The following EFHC2 variants were observed in gnomAD, a reference collection of about 807,000 sequenced individuals.
EFHC2 encodes EF-hand domain-containing family member C2.
In EFHC2, 18 loss-of-function variants were observed where a neutral mutation model predicts 52.7. The observed-to-expected ratio is 0.34, with a 90% CI of 0.24 to 0.51. The LOEUF is 0.51. EFHC2 is among the 20% of genes least tolerant of loss of function. The pLI is 0.97. For missense variants in EFHC2, 513 were observed against 562.5 expected (o/e 0.91, Z 0.89); for synonymous variants, 203 against 204.1 (o/e 0.99, Z 0.04).
chrX:44,319,451 C>A (rs763497768), intron 1 of EFHC2, among the ~76,000 whole-genome samples: 16 of 111,532 alleles, frequency 1.4e-4, no homozygotes, highest in Non-Finnish European at 2.8e-4. Context: ...TCCAGGGATG[C>A]CACCCTAGTT....
At chrX:44,217,494 A>G (rs978353623) in intron 11 of EFHC2, among the ~76,000 whole-genome samples, 1 of 111,957 alleles carries the variant, frequency 8.9e-6, no homozygotes, top group Admixed American at 9.5e-5. Flanking sequence ...ATAGGTAAGT[A>G]AATAAGGAAA....
intron 8 of EFHC2, among the ~76,000 whole-genome samples, chrX:44,238,672 G>T (rs1044392080): frequency 9.0e-6 from 1 of 110,934 alleles, no homozygotes; most frequent in East Asian, 2.8e-4. Context: ...CCTTTACACC[G>T]ACTGTTCCTT....
At chrX:44,264,344 C>T (rs912444344) in intron 3 of EFHC2, among the ~76,000 whole-genome samples, 1 of 111,697 alleles carries the variant, frequency 9.0e-6, no homozygotes, top group African/African-American at 3.3e-5. Flanking sequence ...GAAAGAACAG[C>T]CTCTCTCCTC....
In EFHC2 at chrX:44,325,533, A is replaced by G. The variant is rs767369145; in HGVS notation, c.43-12777T>C. 1.4e-3 allele frequency among the ~76,000 whole-genome samples: 151 copies of G among 110,316 alleles called. 1 individual carries two copies. The highest frequency in any genetic ancestry group is 4.7e-3 in the African/African-American group (142 of 30,342). ...CCCCTTCCTCGTTGCTAAAAATTGG[A>G]AGGGCAATTTTATCACATGCATAAG... On this transcript the variant is annotated intron_variant, in intron 1 of 14. Transcript: ENST00000420999.
intron 2 of EFHC2, among the ~76,000 whole-genome samples, chrX:44,311,738 T>C (rs2037949237): frequency 8.9e-6 from 1 of 112,468 alleles, no homozygotes; most frequent in Non-Finnish European, 1.9e-5. Flanking sequence ...TCACTTCCTT[T>C]CACTATTCTT....
intron 1 of EFHC2, among the ~76,000 whole-genome samples, chrX:44,338,534 C>T (rs1211514435): frequency 9.1e-6 from 1 of 109,406 alleles, no homozygotes; most frequent in Non-Finnish European, 1.9e-5. Flanking sequence ...ATGGAGATGG[C>T]TCGAATGAGT....
chrX:44,323,785 C>G (rs2038036560), intron 1 of EFHC2, among the ~76,000 whole-genome samples: 1 of 111,238 alleles, frequency 9.0e-6, no homozygotes, highest in African/African-American at 3.3e-5. Flanking sequence ...AGAGAAGGGG[C>G]TGGAAAAAAC....
intron 4 of EFHC2, among the ~76,000 whole-genome samples, chrX:44,253,573 A>AT (rs765857386): frequency 9.0e-6 from 1 of 111,653 alleles, no homozygotes; most frequent in Non-Finnish European, 1.9e-5. Flanking sequence ...ACCTCTCTAG[A>AT]TTCCTCCTCT....
intron 11 of EFHC2, 63 bp from the exon 12 acceptor site, chrX:44,178,627 C>A: frequency 2.1e-6 from 2 of 936,868 alleles, no homozygotes; most frequent in Non-Finnish European, 2.9e-6. Flanking sequence ...TTTACATCTC[C>A]TTCTATTTAA....
At chrX:44,156,652 G>A (rs1289234821) in intron 14 of EFHC2, among the ~76,000 whole-genome samples, 1 of 112,373 alleles carries the variant, frequency 8.9e-6, no homozygotes, top group African/African-American at 3.2e-5. Context: ...CTGCAGTTAC[G>A]ATGTTCATAA....
intron 5 of EFHC2, 55 bp downstream of exon 5, chrX:44,250,139 G>A: frequency 4.3e-6 from 5 of 1,168,182 alleles, no homozygotes; most frequent in Non-Finnish European, 5.8e-6. Context: ...ATTCCAAACA[G>A]TGACTAGTCT....
At chrX:44,212,613 G>C (rs2147305434) in intron 11 of EFHC2, among the ~76,000 whole-genome samples, 1 of 111,498 alleles carries the variant, frequency 9.0e-6, no homozygotes, top group African/African-American at 3.3e-5. Context: ...CTCACTAAAA[G>C]ACTGAGACCT....
intron 11 of EFHC2, among the ~76,000 whole-genome samples, chrX:44,191,553 A>T (rs1272186025): frequency 8.9e-6 from 1 of 111,990 alleles, no homozygotes; most frequent in Non-Finnish European, 1.9e-5. Context: ...TCTTTCTTAA[A>T]TGTATGTATA....
intron 14 of EFHC2, among the ~76,000 whole-genome samples, chrX:44,159,865 C>G (rs889661957): frequency 8.9e-6 from 1 of 112,846 alleles, no homozygotes; most frequent in African/African-American, 3.2e-5. Flanking sequence ...TAAGACATCT[C>G]AATTTTACAG....
chrX:44,272,863 G>T (rs1460696653), intron 2 of EFHC2, 27 bp from the exon 3 acceptor site: 1 of 1,095,305 alleles, frequency 9.1e-7, no homozygotes, highest in Non-Finnish European at 1.2e-6. Context: ...TAGAAACTAA[G>T]AAATGAAAAG....
intron 9 of EFHC2, 69 bp downstream of exon 9, chrX:44,235,236 C>T: frequency 4.3e-6 from 4 of 920,757 alleles, no homozygotes; most frequent in Non-Finnish European, 5.7e-6. Flanking sequence ...GATCATGTTC[C>T]CTAATTTTCA....
At chrX:44,239,409 C>A (rs990622171) in intron 8 of EFHC2, among the ~76,000 whole-genome samples, 1 of 112,379 alleles carries the variant, frequency 8.9e-6, no homozygotes, top group Non-Finnish European at 1.9e-5. Flanking sequence ...AGCACTAACT[C>A]TTATGGAAGC....
chrX:44,280,126 G>A (rs2037691568), intron 2 of EFHC2, among the ~76,000 whole-genome samples: 1 of 108,792 alleles, frequency 9.2e-6, no homozygotes, highest in East Asian at 2.9e-4. Flanking sequence ...CTCCCCAAGT[G>A]ATTACAAACT....
rs113842860 is a variant in EFHC2, at chrX:44,320,020, G to A, written c.43-7264C>T. On this transcript the variant is annotated intron_variant, in intron 1 of 14. Transcript: ENST00000420999. ...TGCAGTGGTGCAATCTCGGCTCACT[G>A]CAACCTCTGCCTCCTGGGTTCAAGC... 2.8e-3 allele frequency among the ~76,000 whole-genome samples: 310 copies of A among 111,447 alleles called. 2 individuals carry two copies. The highest frequency in any genetic ancestry group is 9.5e-3 in the African/African-American group (293 of 30,691).
Sources: allele counts gnomAD v4.1 joint callset (sites outside exome capture counted in the v4.1 genomes callset), GRCh38; gene constraint gnomAD v4.1.1; transcripts MANE v1.5; gene names NCBI Gene and HGNC (gene_info 2026-07-23, HGNC 2026-07-21).